Variants in CLMN observed in about 807,000 individuals in gnomAD.
The protein encoded by CLMN is calmin (calponin-like, transmembrane).
CLMN carries 57 observed loss-of-function variants against 92.7 expected under a neutral mutation model. The ratio of observed to expected loss-of-function variants is 0.61; its 90% CI spans 0.50 to 0.77. CLMN has a LOEUF of 0.77. Ranked by LOEUF, CLMN falls within the 30% of genes least tolerant of loss-of-function variation. CLMN has a pLI of 0.00. For missense variants in CLMN, 1,158 were observed against 1,237.5 expected (o/e 0.94, Z 0.96); for synonymous variants, 466 against 470.6 (o/e 0.99, Z 0.13).
chr14:95,318,066 C>T (rs904490003), intron 1 of CLMN, among the ~76,000 whole-genome samples: 2 of 152,104 alleles, frequency 1.3e-5, no homozygotes, highest in African/African-American at 2.4e-5. Flanking sequence ...GTTCATATTG[C>T]GGGGCATCTC....
At chr14:95,208,220 C>T (rs1897099228) in intron 8 of CLMN, among the ~76,000 whole-genome samples, 1 of 152,180 alleles carries the variant, frequency 6.6e-6, no homozygotes, top group Non-Finnish European at 1.5e-5. Flanking sequence ...TAGAACAACG[C>T]TCCACAAGGC....
Position 95,189,255 on chromosome 14 carries a change from T to C in CLMN, c.*2309A>G, listed in dbSNP as rs1258914934. The C allele has an allele frequency of 6.6e-6, 1 of 152,230 alleles. No individual in the cohort carries two copies. Among genetic ancestry groups the C allele is most frequent in the Non-Finnish European group, 1.5e-5 (1 of 68,038 alleles). 9.4% of individuals were successfully genotyped at this position (152,230 alleles called of 1,614,324 possible). On this transcript the variant is annotated 3_prime_UTR_variant, in exon 13 of 13. Transcript: ENST00000298912. ...TAAAAAATAAAGTGTAAGCACGTTA[T>C]GTAGAAATGCAAACATAAGAGAGTT...
Position 95,194,614 on chromosome 14 carries a change from G to T in CLMN, c.2709-18C>A, listed in dbSNP as rs368260404. The T allele has an allele frequency of 2.2e-4, 362 of 1,613,150 alleles. No homozygotes were observed. Among genetic ancestry groups the T allele is most frequent in the Non-Finnish European group, 2.7e-4 (317 of 1,179,212 alleles). On this transcript the variant is annotated intron_variant, in intron 10 of 12. Coordinates refer to ENST00000298912, the MANE Select transcript of CLMN (RefSeq NM_024734.4). This position sits in a 1 kb window ranked among gnomAD's most constrained non-coding sequence, Gnocchi z 4.0. The stretch of plus-strand genomic sequence containing the variant: ...GACTAGTCCTGAAAAACAAACACAT[G>T]TTTTGAATTGGTACCACCTGGAGCT...
intron 2 of CLMN, among the ~76,000 whole-genome samples, chr14:95,229,725 G>C (rs1897822705): frequency 6.6e-6 from 1 of 152,118 alleles, no homozygotes; most frequent in African/African-American, 2.4e-5. Flanking sequence ...ATGGCTCTTG[G>C]CTCTTCACAG....
intron 5 of CLMN, among the ~76,000 whole-genome samples, chr14:95,214,228 G>A (rs1897269139): frequency 1.3e-5 from 2 of 152,000 alleles, no homozygotes; most frequent in Admixed American, 1.3e-4. Context: ...CTACGGTGGT[G>A]GATTTAAGGT....
At chr14:95,193,744 G>T in intron 12 of CLMN, 105 bp downstream of exon 12, 1 of 1,348,810 alleles carries the variant, frequency 7.4e-7, no homozygotes, top group Non-Finnish European at 1.0e-6. Flanking sequence ...TATTAATACT[G>T]TTATCAACAA....
intron 1 of CLMN, among the ~76,000 whole-genome samples, chr14:95,268,939 G>A (rs1405571407): frequency 1.3e-5 from 2 of 151,396 alleles, no homozygotes; most frequent in Admixed American, 6.6e-5. Context: ...GAGTAGCTGG[G>A]ACTACAGGCA....
At chr14:95,209,541 GGATGCCT>G in intron 7 of CLMN, 64 bp from the exon 8 acceptor site, 1 of 1,275,910 alleles carries the variant, frequency 7.8e-7, no homozygotes, top group South Asian at 1.2e-5. Context: ...TAGTATTCCC[GGATGCCT>G]GATGGTGAAG....
At chr14:95,299,772 T>A (rs1357881339) in intron 1 of CLMN, among the ~76,000 whole-genome samples, 1 of 152,226 alleles carries the variant, frequency 6.6e-6, no homozygotes, top group Non-Finnish European at 1.5e-5. Context: ...TGACCTGTGC[T>A]GGCCCTCTCC....
intron 1 of CLMN, among the ~76,000 whole-genome samples, chr14:95,318,414 C>T (rs1175786420): frequency 6.6e-6 from 1 of 152,194 alleles, no homozygotes; most frequent in Non-Finnish European, 1.5e-5. Flanking sequence ...GTGTCCACCC[C>T]AGGAGGCTCC....
intron 1 of CLMN, among the ~76,000 whole-genome samples, chr14:95,288,122 T>G (rs1900412471): frequency 6.6e-6 from 1 of 152,154 alleles, no homozygotes; most frequent in Non-Finnish European, 1.5e-5. Flanking sequence ...GCTTTCTACT[T>G]CTAAACCCAC....
intron 1 of CLMN, among the ~76,000 whole-genome samples, chr14:95,296,540 T>G (rs1000904577): frequency 6.6e-6 from 1 of 152,238 alleles, no homozygotes; most frequent in Non-Finnish European, 1.5e-5. Context: ...ACCCAGTGAC[T>G]AAGTGCTGAC....
chr14:95,245,194 A>AATAT (rs1326720445), intron 1 of CLMN, among the ~76,000 whole-genome samples: 2 of 35,494 alleles, frequency 5.6e-5, no homozygotes, highest in Admixed American at 4.8e-4. Context: ...ATATATATAT[A>AATAT]ATATATATAT....
At chr14:95,273,660 C>A (rs1409559332) in intron 1 of CLMN, among the ~76,000 whole-genome samples, 1 of 152,168 alleles carries the variant, frequency 6.6e-6, no homozygotes, top group Non-Finnish European at 1.5e-5. Context: ...AATTTAATAA[C>A]CTTGGGTATC....
At chr14:95,292,810 G>A (rs928736891) in intron 1 of CLMN, among the ~76,000 whole-genome samples, 1 of 152,130 alleles carries the variant, frequency 6.6e-6, no homozygotes, top group East Asian at 1.9e-4. Context: ...GGGAGGGCGA[G>A]ATGAAGCTCC....
At chr14:95,251,305 T>C (rs1487174886) in intron 1 of CLMN, among the ~76,000 whole-genome samples, 3 of 152,200 alleles carry the variant, frequency 2.0e-5, no homozygotes, top group African/African-American at 7.2e-5. Context: ...ATTCTGGCTG[T>C]GAATCGAATC....
rs774934404 is a variant in CLMN, at chr14:95,204,262, G to A, written c.1087C>T (p.Arg363Cys). ...CDKPESMKEF[R>C]LDGVSSHALS... The stretch of plus-strand genomic sequence containing the variant: ...GCATGGCTGGAAACACCATCCAGGC[G>A]GAATTCCTTCATGCTCTCGGGCTTG... Residue 363 changes from arginine to cysteine, a missense_variant, in exon 9 of 13, where the codon CGC (arginine) becomes TGC (cysteine). Transcript: ENST00000298912. 87 of 1,613,940 alleles carry A rather than the reference G, an allele frequency of 5.4e-5. No individual in the cohort carries two copies. The highest frequency in any genetic ancestry group is 7.0e-5 in the Non-Finnish European group (83 of 1,180,026).
intron 8 of CLMN, among the ~76,000 whole-genome samples, chr14:95,205,356 G>C (rs1479004170): frequency 1.3e-5 from 2 of 152,122 alleles, no homozygotes; most frequent in Non-Finnish European, 2.9e-5. Flanking sequence ...ATAATCACTA[G>C]ATATAGACCC....
intron 1 of CLMN, among the ~76,000 whole-genome samples, chr14:95,306,243 G>A (rs1346735377): frequency 6.6e-6 from 1 of 152,160 alleles, no homozygotes; most frequent in Non-Finnish European, 1.5e-5. Context: ...CAGGCATGGT[G>A]GCTCATGCCT....
Sources: allele counts gnomAD v4.1 joint callset (sites outside exome capture counted in the v4.1 genomes callset), GRCh38; gene constraint gnomAD v4.1.1; non-coding constraint Gnocchi (gnomAD v3.1); transcripts MANE v1.5; gene names NCBI Gene and HGNC (gene_info 2026-07-23, HGNC 2026-07-21).